KNOP1: variants seen among roughly 807,000 people sequenced by gnomAD.
KNOP1 encodes lysine-rich nucleolar protein 1.
Under a neutral mutation model 30.6 loss-of-function variants are expected in KNOP1, and 20 were observed. That is an observed-to-expected ratio of 0.65 (90% CI 0.46 to 0.95). The LOEUF (loss-of-function observed/expected upper bound fraction) is 0.95, where lower values mean the gene tolerates loss of function less well. Ranked by LOEUF, KNOP1 falls within the 40% of genes least tolerant of loss-of-function variation. The probability of loss-of-function intolerance (pLI) is 0.00; values close to 1 mark genes in which losing one functional copy is unlikely to be tolerated. For missense variants in KNOP1, 540 were observed against 562.0 expected (o/e 0.96, Z 0.40); for synonymous variants, 204 against 210.0 (o/e 0.97, Z 0.25).
In KNOP1 at chr16:19,714,975, C is replaced by G; in HGVS notation, c.61G>C (p.Val21Leu). The G allele has an allele frequency of 6.3e-7, 1 of 1,592,588 alleles. No individual in the cohort carries two copies. Among genetic ancestry groups the G allele is most frequent in the Non-Finnish European group, 8.5e-7 (1 of 1,173,944 alleles). ...TATCGAGTCTCTGGTTCTTTGACCA[C>G]TTTCTTCTTCTTTTTCTTCTCTGGG... Reference protein sequence around the residue: ...GLPEKKKKKKVVKEPETRYSV... With the variant: ...GLPEKKKKKKLVKEPETRYSV... The change falls in exon 2 of 5, where the codon GTG (valine) becomes CTG (leucine). Residue 21 changes from valine (V) to leucine (L), a missense_variant. Transcript: ENST00000219837.
chr16:19,710,400 G>C (rs959378190), intron 4 of KNOP1, 109 bp downstream of exon 4: 2 of 1,061,182 alleles, frequency 1.9e-6, no homozygotes, highest in Admixed American at 1.7e-5. Context: ...CTGCCTCTGG[G>C]GCCTGGACAT....
rs371799105 is a variant in KNOP1 at position 19,710,577 on chromosome 16, T to C, written c.997A>G (p.Lys333Glu). ...DEAHIDQVRR[K>E]ALQEEIDRES... ...CGATCGATCTCTTCTTGCAAGGCCT[T>C]TCGCCTCACCTGAGCAAGAAGGATG... Residue 333 changes from lysine (K) to glutamate (E), a missense_variant, in exon 4 of 5, where the codon AAG becomes GAG. Lys to Glu is a moderately conservative substitution (Grantham distance 56). Coordinates refer to ENST00000219837, the MANE Select transcript of KNOP1 (RefSeq NM_001012991.3). 4.3e-5 allele frequency: 70 copies of C among 1,612,016 alleles called. No homozygotes were observed. Among genetic ancestry groups the C allele is most frequent in the Non-Finnish European group, 5.7e-5 (67 of 1,179,952 alleles).
Position 19,714,958 on chromosome 16 carries a change from C to A in KNOP1, c.78G>T (p.Glu26Asp). The change falls in exon 2 of 5, where the codon GAG becomes GAT. Residue 26 changes from glutamate to aspartate, a missense_variant. Physicochemically the swap from Glu to Asp is conservative, Grantham distance 45. Coordinates refer to ENST00000219837, the MANE Select transcript of KNOP1 (RefSeq NM_001012991.3). ...CATTGTTTAAAACTGAGTATCGAGT[C>A]TCTGGTTCTTTGACCACTTTCTTCT... ...KKKKKVVKEP[E>D]TRYSVLNNDD... is the part of the protein sequence containing the mutation. The A allele has an allele frequency of 6.2e-7, 1 of 1,606,412 alleles. No individual in the cohort carries two copies. The highest frequency in any genetic ancestry group is 8.5e-7 in the Non-Finnish European group (1 of 1,177,970).
At chr16:19,707,289 C>T (rs951954128) in intron 4 of KNOP1, 68 bp from the exon 5 acceptor site, 14 of 1,368,512 alleles carry the variant, frequency 1.0e-5, no homozygotes, top group Non-Finnish European at 1.4e-5. Context: ...TTGACCCCCA[C>T]CCTCATCAGG....
At position 19,705,448 on chromosome 16, in the gene KNOP1, C is replaced by T. The variant is rs987601159; in HGVS notation, c.*1462G>A. On this transcript the variant is annotated 3_prime_UTR_variant, in exon 5 of 5. Coordinates refer to ENST00000219837, the MANE Select transcript of KNOP1 (RefSeq NM_001012991.3). Reference sequence around the variant, plus strand: ...TGGACCTGGAGCTCTTTGAGGCTTGCTGTAGAGTCCAGGCTTGGAAACGCT... The same window carrying T: ...TGGACCTGGAGCTCTTTGAGGCTTGTTGTAGAGTCCAGGCTTGGAAACGCT... The T allele has an allele frequency of 1.1e-5, 4 of 355,376 alleles. No individual in the cohort carries two copies. In the Admixed American group the frequency reaches 1.5e-4, roughly 13 times the overall value. The allele number at this position is 355,376 out of a possible 1,614,324, so 22.0% of individuals were successfully genotyped here.
chr16:19,713,103 GTTTT>G (rs879898113), intron 2 of KNOP1, among the ~76,000 whole-genome samples: 1 of 146,568 alleles, frequency 6.8e-6, no homozygotes, highest in Admixed American at 6.8e-5. Flanking sequence ...TTCACCTCAA[GTTTT>G]TTTTTTTTGA....
chr16:19,711,127 TA>T (rs760253962), intron 3 of KNOP1, among the ~76,000 whole-genome samples: 4 of 152,204 alleles, frequency 2.6e-5, no homozygotes, highest in Non-Finnish European at 5.9e-5. Context: ...CTGCAGCAAG[TA>T]ACAGGGAATG....
chr16:19,708,041 C>T (rs1976508422), intron 4 of KNOP1, among the ~76,000 whole-genome samples: 1 of 150,252 alleles, frequency 6.7e-6, no homozygotes, highest in South Asian at 2.1e-4. Flanking sequence ...CCCCACAGGG[C>T]GCACCTCCCC....
At chr16:19,711,847 C>T in intron 2 of KNOP1, 1 of 212,190 alleles carries the variant, frequency 4.7e-6, no homozygotes, top group East Asian at 1.2e-4. Context: ...CACTAACATG[C>T]ACCATGCTCT....
Position 19,714,292 on chromosome 16 carries a change from G to C in KNOP1, c.744C>G (p.Val248=). The C allele has an allele frequency of 6.2e-7, 1 of 1,614,090 alleles. No homozygotes were observed. ...SPRKGSKKKP[V]KVEAPEYIPI... ...GGATGTATTCCGGAGCCTCAACTTT[G>C]ACTGGCTTCTTTTTACTTCCTTTCC... Residue 248 remains valine, a synonymous_variant, in exon 2 of 5, where the codon GTC becomes GTG. Transcript: ENST00000219837.
intron 4 of KNOP1, among the ~76,000 whole-genome samples, chr16:19,709,222 A>G (rs1335294539): frequency 6.6e-6 from 1 of 152,060 alleles, no homozygotes; most frequent in African/African-American, 2.4e-5. Context: ...CCAGAGTCCC[A>G]CCACTAGACA....
rs1209539511 is a variant in KNOP1 at position 19,702,976 on chromosome 16, G to A, written c.*3934C>T. The A allele has an allele frequency of 1.3e-5, 2 of 151,226 alleles. No homozygotes were observed. The highest frequency in any genetic ancestry group is 2.9e-5 in the Non-Finnish European group (2 of 67,940). The allele number at this position is 151,226 out of a possible 1,614,324, so 9.4% of individuals were successfully genotyped here. On this transcript the variant is annotated 3_prime_UTR_variant, in exon 5 of 5. Transcript: ENST00000219837. ...CGCCTCTGCACTCCAGCCTGGGCGT[G>A]GAGTGAGAGTGAGACTGTCTCAAAA...
rs544818600 is a variant in KNOP1 at position 19,714,751 on chromosome 16, C to T, written c.285G>A (p.Lys95=). Residue 95 remains lysine (K), a synonymous_variant, in exon 2 of 5, where the codon AAG becomes AAA. Transcript: ENST00000219837. ...ETTLPARRTE[K]SPSLRKQVFG... is the part of the protein sequence containing the mutation. ...ACACCTGCTTCCTGAGGCTGGGTGA[C>T]TTCTCTGTCCGTCTAGCAGGCAGCG... The T allele has an allele frequency of 1.1e-5, 17 of 1,614,204 alleles. No individual in the cohort carries two copies. The South Asian group carries it at 1.8e-4, about 17-fold the overall frequency.
rs549773716 is a variant in KNOP1 at position 19,709,569 on chromosome 16, T to C, written c.1065+940A>G. ...TATCATGGCCGCTGAGGCCGAGGCC[T>C]GTGGCCTGTAGCCCTCTCGTCCCTC... On this transcript the variant is annotated intron_variant, in intron 4 of 4. Transcript: ENST00000219837. Among the ~76,000 whole-genome samples the C allele has an allele frequency of 3.3e-5, 5 of 152,332 alleles. No individual in the cohort carries two copies. In the South Asian group the frequency reaches 8.3e-4, roughly 25 times the overall value.
In KNOP1 at chr16:19,705,072, T is replaced by A. The variant is rs1232155468; in HGVS notation, c.*1838A>T. ...CCAGCAATGGAGGCTTCTGGAAGTTTCCTTGAGACACAAAAAGGCTTTTCT... is the reference window on the plus strand; with the variant it reads ...CCAGCAATGGAGGCTTCTGGAAGTTACCTTGAGACACAAAAAGGCTTTTCT... On this transcript the variant is annotated 3_prime_UTR_variant, in exon 5 of 5. Transcript: ENST00000219837. 2.5e-5 allele frequency: 11 copies of A among 432,358 alleles called. No homozygotes were observed. The highest frequency in any genetic ancestry group is 5.2e-5 in the Non-Finnish European group (11 of 213,590). 26.8% of individuals were successfully genotyped at this position (432,358 alleles called of 1,614,324 possible).
intron 1 of KNOP1, 113 bp downstream of exon 1, chr16:19,718,045 C>T (rs1977287297): frequency 7.9e-6 from 11 of 1,397,710 alleles, no homozygotes; most frequent in African/African-American, 1.5e-5. Flanking sequence ...CTGGAGGGGT[C>T]GGATTCAGGG....
chr16:19,711,329 G>T, intron 3 of KNOP1, 43 bp downstream of exon 3: 1 of 1,589,672 alleles, frequency 6.3e-7, no homozygotes, highest in Non-Finnish European at 8.6e-7. Flanking sequence ...TCCAAGGGTG[G>T]CAGGAGGCAG....
At position 19,706,184 on chromosome 16, in the gene KNOP1, T is replaced by C. The variant is rs1976344113; in HGVS notation, c.*726A>G. 1 of 152,450 alleles carries C rather than the reference T, an allele frequency of 6.6e-6. No individual in the cohort carries two copies. The highest frequency in any genetic ancestry group is 6.5e-5 in the Admixed American group (1 of 15,284). 9.4% of individuals were successfully genotyped at this position (152,450 alleles called of 1,614,324 possible). A position where few individuals can be genotyped will look rare whatever the true frequency, so the allele number is the denominator to read the frequency against. On this transcript the variant is annotated 3_prime_UTR_variant, in exon 5 of 5. Coordinates refer to ENST00000219837, the MANE Select transcript of KNOP1 (RefSeq NM_001012991.3). ...GGAGTTTGCGATTCTCCGTTCCTCA[T>C]TCACTCCACTTTTTATCAGAGATGC...
In KNOP1 at chr16:19,708,189, C is replaced by T. The variant is rs768757015; in HGVS notation, c.1066-968G>A. ...CAGAAGCACTGTTTTATGGCGGGAA[C>T]GGGTGCGGGCCCACAGGGGTAAAAG... On this transcript the variant is annotated intron_variant, in intron 4 of 4. Coordinates refer to ENST00000219837, the MANE Select transcript of KNOP1 (RefSeq NM_001012991.3). 6.8e-3 allele frequency among the ~76,000 whole-genome samples: 1,025 copies of T among 150,830 alleles called. 5 individuals are homozygous for T. Among genetic ancestry groups the T allele is most frequent in the African/African-American group, 0.014 (576 of 41,084 alleles).
Sources: allele counts gnomAD v4.1 joint callset (sites outside exome capture counted in the v4.1 genomes callset), GRCh38; gene constraint gnomAD v4.1.1; transcripts MANE v1.5; gene names NCBI Gene and HGNC (gene_info 2026-07-23, HGNC 2026-07-21).